PCDH15: variants seen among roughly 807,000 people sequenced by gnomAD.
PCDH15 encodes protocadherin-15.
Under a neutral mutation model 178.5 loss-of-function variants are expected in PCDH15, and 129 were observed. That is an observed-to-expected ratio of 0.72 (90% confidence interval 0.63 to 0.84). The LOEUF (loss-of-function observed/expected upper bound fraction) is 0.84. Among genes scored for constraint, PCDH15 ranks in the 40% least tolerant of loss-of-function variants. PCDH15 has a pLI of 0.00. For synonymous variants in PCDH15, 800 were observed against 732.0 expected (o/e 1.09, Z -1.50); for missense variants, 2,230 against 2,099.9 (o/e 1.06, Z -1.21).
intron 8 of PCDH15, among the ~76,000 whole-genome samples, chr10:54,276,489 T>C (rs891851123): frequency 6.6e-6 from 1 of 151,746 alleles, no homozygotes; most frequent in African/African-American, 2.4e-5. Context: ...AAATTCTGAA[T>C]ACCATGTGGT....
chr10:54,087,241 A>G (rs1455186179), intron 16 of PCDH15, among the ~76,000 whole-genome samples: 4 of 152,156 alleles, frequency 2.6e-5, no homozygotes, highest in Non-Finnish European at 4.4e-5. Flanking sequence ...GAGTTGTTCA[A>G]TCATCACTGT....
intron 1 of PCDH15, among the ~76,000 whole-genome samples, chr10:55,248,204 A>G (rs1841736100): frequency 6.6e-6 from 1 of 151,880 alleles, no homozygotes; most frequent in South Asian, 2.1e-4. Flanking sequence ...ACACATATAT[A>G]TATACACACA....
intron 2 of PCDH15, among the ~76,000 whole-genome samples, chr10:54,950,592 A>G (rs1003217682): frequency 6.6e-6 from 1 of 152,090 alleles, no homozygotes; most frequent in Non-Finnish European, 1.5e-5. Flanking sequence ...TCTTTTGTAA[A>G]TTGCCCAGTC....
chr10:53,911,076 C>A (rs2083053862), intron 25 of PCDH15, among the ~76,000 whole-genome samples: 1 of 152,072 alleles, frequency 6.6e-6, no homozygotes, highest in Non-Finnish European at 1.5e-5. Flanking sequence ...TGGAACCAAG[C>A]TGAGAAACAC....
rs563827842 is a variant in PCDH15, at chr10:54,998,312, A to T, written c.-79-100812T>A. ...TCTCTGTGTGTCTATCTTCATGGCC[A>T]CTCCAGCATGGCACATGTATACATA... On this transcript the variant is annotated intron_variant, in intron 2 of 5. Coordinates refer to the PCDH15 transcript ENST00000458638. Among the ~76,000 whole-genome samples the T allele has an allele frequency of 1.7e-3, 254 of 152,038 alleles. 1 individual carries two copies. Among genetic ancestry groups the T allele is most frequent in the African/African-American group, 5.8e-3 (240 of 41,494 alleles).
At chr10:54,083,145 A>G (rs1268556255) in intron 16 of PCDH15, among the ~76,000 whole-genome samples, 2 of 152,182 alleles carry the variant, frequency 1.3e-5, no homozygotes, top group Admixed American at 6.5e-5. Context: ...TGTTGGCAAA[A>G]ATGGGAATAA....
chr10:54,234,860 AT>A (rs1311668028), intron 9 of PCDH15, among the ~76,000 whole-genome samples: 2 of 152,162 alleles, frequency 1.3e-5, no homozygotes, highest in African/African-American at 4.8e-5. Flanking sequence ...TTCTGTTAAA[AT>A]TTTTTAATTG....
intron 2 of PCDH15, among the ~76,000 whole-genome samples, chr10:55,050,280 T>A (rs10825450): frequency 0.79 from 119,583 of 151,922 alleles, 47,367 homozygotes; most frequent in African/African-American, 0.86. Flanking sequence ...AACTTTATTA[T>A]ACATTATGGG....
intron 1 of PCDH15, among the ~76,000 whole-genome samples, chr10:54,674,356 T>G (rs1305761920): frequency 6.6e-6 from 1 of 152,154 alleles, no homozygotes; most frequent in Non-Finnish European, 1.5e-5. Flanking sequence ...AACCAAATGG[T>G]AGACTGTTCC....
At chr10:54,090,497 AC>A (rs1314899752) in intron 15 of PCDH15, among the ~76,000 whole-genome samples, 4 of 151,880 alleles carry the variant, frequency 2.6e-5, no homozygotes, top group Non-Finnish European at 5.9e-5. Context: ...ACAAGAAGTT[AC>A]CCGGGTGCAG....
chr10:55,015,642 T>C (rs1250668170), intron 2 of PCDH15, among the ~76,000 whole-genome samples: 1 of 152,078 alleles, frequency 6.6e-6, no homozygotes, highest in Non-Finnish European at 1.5e-5. Context: ...AACTGGGTAA[T>C]TTATGAAGAG....
At chr10:53,977,853 A>G (rs1018651762) in intron 21 of PCDH15, among the ~76,000 whole-genome samples, 4 of 152,188 alleles carry the variant, frequency 2.6e-5, no homozygotes. Flanking sequence ...TACAGGCCCC[A>G]TGCATGTCTA....
At chr10:55,463,983 GAA>G (rs1358413942) in intron 2 of PCDH15, among the ~76,000 whole-genome samples, 1 of 25,802 alleles carries the variant, frequency 3.9e-5, no homozygotes, top group Non-Finnish European at 5.8e-5. Context: ...GAGAAAGAAA[GAA>G]AGAAAGAGAA....
intron 1 of PCDH15, among the ~76,000 whole-genome samples, chr10:54,687,374 C>T (rs536537024): frequency 5.3e-5 from 8 of 152,190 alleles, no homozygotes; most frequent in East Asian, 1.9e-4. Flanking sequence ...ATGCTCATTG[C>T]GACTCTATTT....
intron 3 of PCDH15, among the ~76,000 whole-genome samples, chr10:54,386,459 T>A (rs990611956): frequency 7.2e-5 from 11 of 152,036 alleles, no homozygotes; most frequent in African/African-American, 2.2e-4. Context: ...ATAATAATAA[T>A]CAGATACTTG....
chr10:55,399,575 G>A lies in PCDH15; in HGVS notation c.-156+228050C>T, dbSNP rs16907350. Among the ~76,000 whole-genome samples, 1,202 of 152,178 alleles carry A rather than the reference G, an allele frequency of 7.9e-3. 14 individuals carry two copies. Among genetic ancestry groups the A allele is most frequent in the African/African-American group, 0.026 (1,080 of 41,520 alleles). On this transcript the variant is annotated intron_variant, in intron 2 of 5. Transcript: ENST00000613346. Reference sequence around the variant, plus strand: ...CCTAGAAGGTGTGAGAATCAGAGCAGCAGGAGTTTTTGAACCCACTGACAA... The same window carrying A: ...CCTAGAAGGTGTGAGAATCAGAGCAACAGGAGTTTTTGAACCCACTGACAA...
chr10:54,728,387 T>A (rs1030190263), intron 1 of PCDH15, among the ~76,000 whole-genome samples: 1 of 151,366 alleles, frequency 6.6e-6, no homozygotes, highest in African/African-American at 2.4e-5. Context: ...AAATTCAGTG[T>A]CCCTTTATGG....
At chr10:54,280,268 A>C (rs2058605322) in intron 8 of PCDH15, among the ~76,000 whole-genome samples, 1 of 145,320 alleles carries the variant, frequency 6.9e-6, no homozygotes, top group Admixed American at 7.0e-5. Flanking sequence ...AACATTAATT[A>C]ACAAAATTTC....
At chr10:55,151,746 T>C (rs1398483894) in intron 2 of PCDH15, among the ~76,000 whole-genome samples, 4 of 152,096 alleles carry the variant, frequency 2.6e-5, no homozygotes, top group African/African-American at 4.8e-5. Context: ...AACTGACTTT[T>C]ATTATGTTTC....
Sources: allele counts gnomAD v4.1 joint callset (sites outside exome capture counted in the v4.1 genomes callset), GRCh38; gene constraint gnomAD v4.1.1; transcripts MANE v1.5; gene names NCBI Gene and HGNC (gene_info 2026-07-23, HGNC 2026-07-21).